LEKR1: variants seen among roughly 807,000 people sequenced by gnomAD.
LEKR1 encodes leucine, glutamate and lysine rich 1.
In LEKR1, 59 loss-of-function variants were observed where a neutral mutation model predicts 72.4. The observed-to-expected ratio is 0.82, with a 90% confidence interval of 0.66 to 1.01. The LOEUF is 1.01. LEKR1 is among the 50% of genes least tolerant of loss of function. LEKR1 has a pLI of 0.00. For missense variants in LEKR1, 728 were observed against 759.2 expected (o/e 0.96, Z 0.48); for synonymous variants, 257 against 263.2 (o/e 0.98, Z 0.23).
intron 7 of LEKR1, chr3:156,988,040 A>G (rs1730851247): frequency 6.6e-6 from 1 of 152,208 alleles, no homozygotes. Context: ...ACCAAAAACC[A>G]CTTGTTCTGA....
chr3:156,844,344 A>G (rs1714300083), intron 2 of LEKR1, among the ~76,000 whole-genome samples: 1 of 152,146 alleles, frequency 6.6e-6, no homozygotes, highest in Non-Finnish European at 1.5e-5. Context: ...AATAACACCA[A>G]GAAATCCCAC....
intron 3 of LEKR1, among the ~76,000 whole-genome samples, chr3:156,896,665 A>G (rs1469175868): frequency 2.6e-5 from 4 of 152,194 alleles, no homozygotes; most frequent in Non-Finnish European, 2.9e-5. Context: ...AGAACTTAGA[A>G]CTACCATTCA....
intron 3 of LEKR1, among the ~76,000 whole-genome samples, chr3:156,903,579 A>C (rs1272086614): frequency 6.6e-6 from 1 of 152,186 alleles, no homozygotes; most frequent in Non-Finnish European, 1.5e-5. Flanking sequence ...GGTTTCAAGG[A>C]AAAAATGAAC....
At chr3:156,859,406 C>T (rs1716489349) in intron 3 of LEKR1, among the ~76,000 whole-genome samples, 1 of 152,140 alleles carries the variant, frequency 6.6e-6, no homozygotes. Context: ...CTTTACACTT[C>T]ACAACGTTTT....
intron 3 of LEKR1, among the ~76,000 whole-genome samples, chr3:156,896,185 A>C (rs548944832): frequency 1.3e-5 from 2 of 152,160 alleles, no homozygotes; most frequent in African/African-American, 4.8e-5. Flanking sequence ...AAGAACACAC[A>C]CTGGGGCCTG....
At chr3:156,924,908 A>G (rs1724559511) in intron 4 of LEKR1, 1 of 158,262 alleles carries the variant, frequency 6.3e-6, no homozygotes, top group Non-Finnish European at 1.4e-5. Flanking sequence ...CGTTTTCAAA[A>G]TTGTTTTTGC....
At chr3:156,892,466 A>AT (rs1720763738) in intron 3 of LEKR1, among the ~76,000 whole-genome samples, 1 of 152,228 alleles carries the variant, frequency 6.6e-6, no homozygotes, top group Admixed American at 6.5e-5. Context: ...CAAGGGACCC[A>AT]TAACACTGAG....
chr3:156,928,862 G>GA (rs1232346235), intron 5 of LEKR1, among the ~76,000 whole-genome samples: 2 of 151,720 alleles, frequency 1.3e-5, no homozygotes, highest in South Asian at 2.1e-4. Context: ...AATAATACAA[G>GA]AAAAAAATAA....
chr3:157,044,102 C>T (rs1735569947), intron 12 of LEKR1, among the ~76,000 whole-genome samples: 1 of 152,196 alleles, frequency 6.6e-6, no homozygotes. Context: ...GCAGATTAGT[C>T]AGTCAACCCT....
At chr3:156,845,981 A>G (rs557460001) in intron 2 of LEKR1, among the ~76,000 whole-genome samples, 109 of 152,246 alleles carry the variant, frequency 7.2e-4, no homozygotes, top group African/African-American at 2.4e-3. Context: ...TAGATCTTCA[A>G]TATATTTCAT....
chr3:156,861,891 T>C (rs758299555), intron 3 of LEKR1, among the ~76,000 whole-genome samples: 63 of 152,086 alleles, frequency 4.1e-4, no homozygotes, highest in Admixed American at 1.3e-4. Flanking sequence ...CAACACTAGA[T>C]TGTGCTCCAG....
At chr3:156,849,754 A>G (rs1244102138) in intron 2 of LEKR1, among the ~76,000 whole-genome samples, 1 of 152,230 alleles carries the variant, frequency 6.6e-6, no homozygotes, top group Non-Finnish European at 1.5e-5. Flanking sequence ...TACAAAAATT[A>G]ATTCAAGATG....
chr3:156,899,922 A>G (rs2108562835), intron 3 of LEKR1, among the ~76,000 whole-genome samples: 1 of 152,106 alleles, frequency 6.6e-6, no homozygotes, highest in South Asian at 2.1e-4. Context: ...CCTTAAGTAA[A>G]TGGCAGGCAC....
At chr3:156,885,222 A>G (rs1719925823) in intron 3 of LEKR1, among the ~76,000 whole-genome samples, 2 of 151,910 alleles carry the variant, frequency 1.3e-5, no homozygotes, top group Admixed American at 6.6e-5. Flanking sequence ...TTGGTTTTTT[A>G]CCTTTCTCTA....
chr3:156,910,823 A>G (rs532779603), intron 3 of LEKR1, among the ~76,000 whole-genome samples: 1 of 152,234 alleles, frequency 6.6e-6, no homozygotes, highest in Non-Finnish European at 1.5e-5. Flanking sequence ...TTTTTAGTAA[A>G]ACAATTTATT....
In LEKR1 at chr3:156,993,141, C is replaced by T. The variant is rs774211954; in HGVS notation, c.973C>T (p.Gln325Ter). 15 of 1,611,958 alleles carry T rather than the reference C, an allele frequency of 9.3e-6. No individual in the cohort carries two copies. The highest frequency in any genetic ancestry group is 1.3e-5 in the Non-Finnish European group (15 of 1,178,878). Reference sequence around the variant, plus strand: ...TTGTCAACAGATATATAAAGCATTACAGGAAGAGCTGACTGTGAAAGAAAA... The same window carrying T: ...TTGTCAACAGATATATAAAGCATTATAGGAAGAGCTGACTGTGAAAGAAAA... Reference protein sequence around the residue: ...MTCQQIYKALQEELTVKEKQE... With the variant: ...MTCQQIYKAL Residue 325 changes from glutamine to a stop codon, truncating the protein, a stop_gained, in exon 9 of 13, where the codon CAG (glutamine) becomes TAG (stop). Coordinates refer to ENST00000356539, the MANE Select transcript of LEKR1 (RefSeq NM_001004316.3). LOFTEE classifies it high-confidence loss of function.
chr3:156,902,719 T>C (rs935843345), intron 3 of LEKR1, among the ~76,000 whole-genome samples: 9 of 152,078 alleles, frequency 5.9e-5, no homozygotes, highest in Non-Finnish European at 1.3e-4. Flanking sequence ...GAGTTCCTGG[T>C]AGAAATCAAC....
At chr3:156,938,162 CAT>C (rs754509245) in intron 5 of LEKR1, among the ~76,000 whole-genome samples, 54 of 152,084 alleles carry the variant, frequency 3.6e-4, no homozygotes, top group East Asian at 1.4e-3. Context: ...CACACACACA[CAT>C]GAGTGTGTAT....
chr3:156,966,323 G>C lies in LEKR1; in HGVS notation c.746-12871G>C, dbSNP rs1728580971. Among the ~76,000 whole-genome samples, 3 of 152,150 alleles carry C rather than the reference G, an allele frequency of 2.0e-5. No homozygotes were observed. The South Asian group carries it at 6.2e-4, about 32-fold the overall frequency. On this transcript the variant is annotated intron_variant, in intron 6 of 12. Coordinates refer to ENST00000356539, the MANE Select transcript of LEKR1 (RefSeq NM_001004316.3). ...GCACACCGAGTGTGAGCTGAAGCAG[G>C]GTGAGGCATCGCCTCACCCGGGAAG...
Sources: allele counts gnomAD v4.1 joint callset (sites outside exome capture counted in the v4.1 genomes callset), GRCh38; gene constraint gnomAD v4.1.1; transcripts MANE v1.5; gene names NCBI Gene and HGNC (gene_info 2026-07-23, HGNC 2026-07-21).